The following NDUFAF6 variants were observed in gnomAD, a reference collection of about 807,000 sequenced individuals.
The protein encoded by NDUFAF6 is NADH dehydrogenase (ubiquinone) complex I, assembly factor 6.
Under a neutral mutation model 40.8 loss-of-function variants are expected in NDUFAF6, and 45 were observed. That is an observed-to-expected ratio of 1.10 (90% confidence interval 0.87 to 1.42). The LOEUF is 1.42. Among genes scored for constraint, NDUFAF6 ranks in the 40% most tolerant of loss-of-function variants. NDUFAF6 has a pLI of 0.00. For missense variants in NDUFAF6, 435 were observed against 418.5 expected (o/e 1.04, Z -0.34); for synonymous variants, 185 against 155.9 (o/e 1.19, Z -1.39).
chr8:94,937,095 C>CA (rs1821052473), intron 1 of NDUFAF6, among the ~76,000 whole-genome samples: 1 of 151,914 alleles, frequency 6.6e-6, no homozygotes, highest in South Asian at 2.1e-4. Context: ...CTCAGAGTGC[C>CA]AAAAAAACCT....
chr8:94,988,123 T>C (rs1403213603), intron 2 of NDUFAF6, among the ~76,000 whole-genome samples: 1 of 152,240 alleles, frequency 6.6e-6, no homozygotes, highest in Non-Finnish European at 1.5e-5. Context: ...AATAAAACTT[T>C]ACTGATATCT....
At chr8:95,104,706 A>G (rs1052049627), downstream of NDUFAF6, among the ~76,000 whole-genome samples, 22 of 152,178 alleles carry the variant, frequency 1.4e-4, no homozygotes, top group Non-Finnish European at 2.9e-4. Context: ...TTGTGTGTGC[A>G]GTTGCCATTG....
intron 2 of NDUFAF6, among the ~76,000 whole-genome samples, chr8:95,014,103 T>A (rs763816682): frequency 6.6e-6 from 1 of 152,244 alleles, no homozygotes; most frequent in Non-Finnish European, 1.5e-5. Context: ...ACAACTCAGC[T>A]GACACCCTGA....
chr8:94,904,025 C>G (rs925654754), intron 1 of NDUFAF6, among the ~76,000 whole-genome samples: 1 of 152,190 alleles, frequency 6.6e-6, no homozygotes, highest in Non-Finnish European at 1.5e-5. Context: ...GCCTTCTTTC[C>G]CCTTTTGGTT....
chr8:95,057,486 C>T (rs1473119174), intron 8 of NDUFAF6, among the ~76,000 whole-genome samples: 2 of 152,160 alleles, frequency 1.3e-5, no homozygotes, highest in African/African-American at 4.8e-5. Flanking sequence ...TTGAAACAGC[C>T]TGTTTGCATT....
At chr8:94,930,683 A>G in intron 1 of NDUFAF6, 1 of 1,614,266 alleles carries the variant, frequency 6.2e-7, no homozygotes, top group Non-Finnish European at 8.5e-7. Flanking sequence ...CAAGAGCTGC[A>G]ACATAACAAT....
intron 1 of NDUFAF6, among the ~76,000 whole-genome samples, chr8:94,903,858 A>G (rs1195211663): frequency 6.6e-6 from 1 of 152,126 alleles, no homozygotes; most frequent in East Asian, 1.9e-4. Context: ...TCTGTAGGTA[A>G]TTGATGCTAG....
At chr8:94,916,832 A>AT (rs1234256696) in intron 1 of NDUFAF6, among the ~76,000 whole-genome samples, 1 of 119,896 alleles carries the variant, frequency 8.3e-6, no homozygotes. Context: ...AAAAAAAAAA[A>AT]GGCCGGGCGC....
At chr8:95,009,333 C>T (rs1827136312) in intron 2 of NDUFAF6, among the ~76,000 whole-genome samples, 1 of 150,116 alleles carries the variant, frequency 6.7e-6, no homozygotes, top group Non-Finnish European at 1.5e-5. Context: ...AAGCAAATAT[C>T]ACTCACTCAC....
chr8:94,978,243 C>T (rs913523531), intron 1 of NDUFAF6, among the ~76,000 whole-genome samples: 6 of 152,208 alleles, frequency 3.9e-5, no homozygotes, highest in African/African-American at 9.6e-5. Flanking sequence ...CCCATCATGC[C>T]GATGTGATGA....
intron 1 of NDUFAF6, among the ~76,000 whole-genome samples, chr8:94,904,215 C>G (rs1433398640): frequency 1.3e-5 from 2 of 150,872 alleles, no homozygotes; most frequent in Non-Finnish European, 2.9e-5. Context: ...GCGATCTCGG[C>G]TCACTGCAAC....
chr8:94,909,370 A>AAC (rs1220300350), intron 1 of NDUFAF6, among the ~76,000 whole-genome samples: 1 of 44,774 alleles, frequency 2.2e-5, no homozygotes, highest in African/African-American at 6.1e-5. Context: ...AAAAAAAAAA[A>AAC]AAAAAAAAAA....
rs1774868717 is a variant in NDUFAF6 at position 95,058,099 on chromosome 8, G to A, written c.*162G>A. ...TGAGAAGTTGCCGTGGGACTAGGGT[G>A]CCAAGACTGCTGAGATTCTGGCAGA... is the stretch of plus-strand genomic sequence containing the variant. On this transcript the variant is annotated 3_prime_UTR_variant, in exon 9 of 9. Coordinates refer to ENST00000396124, the MANE Select transcript of NDUFAF6 (RefSeq NM_152416.4). 4.8e-6 allele frequency: 7 copies of A among 1,452,664 alleles called. No individual in the cohort carries two copies. Among genetic ancestry groups the A allele is most frequent in the Non-Finnish European group, 6.3e-6 (7 of 1,113,008 alleles). The allele number at this position is 1,452,664 out of a possible 1,614,324, so 90.0% of individuals were successfully genotyped here.
chr8:95,106,192 G>A (rs747333532), downstream of NDUFAF6, among the ~76,000 whole-genome samples: 4 of 151,562 alleles, frequency 2.6e-5, no homozygotes, highest in South Asian at 6.3e-4. Context: ...GGAGAATGGC[G>A]TGAACATGGG....
chr8:94,924,861 G>C (rs922754737), intron 1 of NDUFAF6, among the ~76,000 whole-genome samples: 4 of 152,196 alleles, frequency 2.6e-5, no homozygotes, highest in African/African-American at 9.7e-5. Flanking sequence ...TCCTGCCTCA[G>C]CCTCCCGAGG....
intron 1 of NDUFAF6, chr8:94,930,386 G>A (rs919268980): frequency 4.6e-6 from 7 of 1,519,782 alleles, no homozygotes; most frequent in Non-Finnish European, 6.3e-6. Context: ...TTATCAATTG[G>A]TTGTAAAGAG....
chr8:94,910,296 G>A (rs755361525), intron 1 of NDUFAF6, among the ~76,000 whole-genome samples: 1 of 152,084 alleles, frequency 6.6e-6, no homozygotes, highest in Non-Finnish European at 1.5e-5. Context: ...GGGATTACAG[G>A]CATGTGCCAC....
intron 1 of NDUFAF6, among the ~76,000 whole-genome samples, chr8:94,939,265 C>G (rs1389832850): frequency 6.6e-6 from 1 of 152,164 alleles, no homozygotes; most frequent in Non-Finnish European, 1.5e-5. Flanking sequence ...TCTATAAAGT[C>G]AGAGTTATGT....
rs758383169 is a variant in NDUFAF6, at chr8:95,114,909, G to A, written n.345-627G>A. On this transcript the variant is annotated intron_variant and non_coding_transcript_variant, in intron 4 of 5. Transcript: ENST00000523184. ...AGAAAATAATACGTGAAAGCGTCTC[G>A]AAATTAGCCAGGCGTGGTGGCAGGT... 1.9e-4 allele frequency among the ~76,000 whole-genome samples: 29 copies of A among 152,060 alleles called. 1 individual carries two copies. Among genetic ancestry groups the A allele is most frequent in the African/African-American group, 3.4e-4 (14 of 41,414 alleles).
Sources: allele counts gnomAD v4.1 joint callset (sites outside exome capture counted in the v4.1 genomes callset), GRCh38; gene constraint gnomAD v4.1.1; transcripts MANE v1.5; gene names NCBI Gene and HGNC (gene_info 2026-07-23, HGNC 2026-07-21).